The following PTPRD variants were observed in gnomAD, a reference collection of about 807,000 sequenced individuals.
PTPRD encodes protein tyrosine phosphatase receptor type D, also known as receptor-type tyrosine-protein phosphatase delta.
In PTPRD, 34 loss-of-function variants were observed where a neutral mutation model predicts 214.5. That is an observed-to-expected ratio of 0.16 (90% CI 0.12 to 0.21). PTPRD has a LOEUF of 0.21. PTPRD is among the 10% of genes least tolerant of loss of function. The pLI is 1.00. For synonymous variants in PTPRD, 1,128 were observed against 845.7 expected (o/e 1.33, Z -5.79); for missense variants, 2,545 against 2,398.7 (o/e 1.06, Z -1.27).
chr9:8,784,985 A>G (rs149582970), intron 11 of PTPRD, among the ~76,000 whole-genome samples: 301 of 152,270 alleles, frequency 2.0e-3, no homozygotes, highest in African/African-American at 7.0e-3. Context: ...GAGCACCATT[A>G]CAACAGCTGG....
chr9:9,463,772 T>C (rs1472282656), intron 8 of PTPRD, among the ~76,000 whole-genome samples: 2 of 152,024 alleles, frequency 1.3e-5, no homozygotes, highest in Non-Finnish European at 2.9e-5. Flanking sequence ...ATACTTTTCG[T>C]TTCTTTTGAA....
intron 14 of PTPRD, among the ~76,000 whole-genome samples, chr9:8,609,104 T>A (rs537294228): frequency 6.6e-6 from 1 of 152,354 alleles, no homozygotes; most frequent in Admixed American, 6.5e-5. Flanking sequence ...TAAAAGTGAA[T>A]GAGAATTTTA....
intron 3 of PTPRD, among the ~76,000 whole-genome samples, chr9:10,079,817 TCTATTGTCACCGACC>T (rs2098203409): frequency 2.0e-5 from 3 of 152,100 alleles, no homozygotes; most frequent in Admixed American, 2.0e-4. Context: ...GCAAAATAGG[TCTATTGTCACCGACC>T]CTAAAGGATA....
At chr9:10,015,526 G>T (rs1388675604) in intron 4 of PTPRD, among the ~76,000 whole-genome samples, 1 of 152,136 alleles carries the variant, frequency 6.6e-6, no homozygotes, top group Admixed American at 6.5e-5. Flanking sequence ...GGACATAGTA[G>T]AAATATAAAG....
chr9:9,571,183 A>G (rs1422372686), intron 8 of PTPRD, among the ~76,000 whole-genome samples: 1 of 151,540 alleles, frequency 6.6e-6, no homozygotes, highest in Non-Finnish European at 1.5e-5. Flanking sequence ...GTATGTTTGC[A>G]TAACTGATAC....
At chr9:9,182,767 T>A (rs1330062882) in intron 10 of PTPRD, among the ~76,000 whole-genome samples, 1 of 152,064 alleles carries the variant, frequency 6.6e-6, no homozygotes, top group Non-Finnish European at 1.5e-5. Flanking sequence ...CTGAATGCAT[T>A]AAATCATAAC....
At chr9:9,472,081 C>T (rs1339239799) in intron 8 of PTPRD, among the ~76,000 whole-genome samples, 1 of 151,714 alleles carries the variant, frequency 6.6e-6, no homozygotes, top group African/African-American at 2.4e-5. Flanking sequence ...GTGATCTATG[C>T]CAATATTTTA....
At chr9:8,807,470 T>G (rs2096710201) in intron 11 of PTPRD, among the ~76,000 whole-genome samples, 4 of 152,148 alleles carry the variant, frequency 2.6e-5, no homozygotes, top group Admixed American at 2.6e-4. Context: ...TAATGAACAC[T>G]ATAATCACTA....
chr9:8,558,656 T>C (rs1046268789), intron 14 of PTPRD, among the ~76,000 whole-genome samples: 2 of 152,220 alleles, frequency 1.3e-5, no homozygotes, highest in Non-Finnish European at 2.9e-5. Context: ...CTTGGGCTAT[T>C]GTACAAACCG....
At chr9:8,960,081 G>A (rs1344609719) in intron 11 of PTPRD, among the ~76,000 whole-genome samples, 1 of 151,956 alleles carries the variant, frequency 6.6e-6, no homozygotes, top group Non-Finnish European at 1.5e-5. Context: ...ATGCCTTTTA[G>A]TTCATATTCC....
chr9:10,068,123 A>G lies in PTPRD; in HGVS notation c.-544-34333T>C, dbSNP rs575638053. 1.3e-3 allele frequency among the ~76,000 whole-genome samples: 193 copies of G among 152,120 alleles called. 1 individual carries two copies. The South Asian group carries it at 0.021, about 17-fold the overall frequency. On this transcript the variant is annotated intron_variant, in intron 3 of 45. Transcript: ENST00000381196. ...ATTGAAATTACCAACACATCTAGGA[A>G]CACTGAGTTTATAGAGTTGTTTTTG...
chr9:9,421,173 T>TAAA (rs2078665978), intron 8 of PTPRD, among the ~76,000 whole-genome samples: 1 of 151,992 alleles, frequency 6.6e-6, no homozygotes, highest in Admixed American at 6.6e-5. Flanking sequence ...CCATAAACAA[T>TAAA]GGCCCTGCCT....
chr9:10,133,645 A>G (rs926262744), intron 3 of PTPRD, among the ~76,000 whole-genome samples: 1 of 152,274 alleles, frequency 6.6e-6, no homozygotes, highest in African/African-American at 2.4e-5. Context: ...CACCATAATA[A>G]AAGTAAATAA....
chr9:10,574,387 C>G (rs1222250026), intron 2 of PTPRD, among the ~76,000 whole-genome samples: 1 of 152,038 alleles, frequency 6.6e-6, no homozygotes, highest in Non-Finnish European at 1.5e-5. Context: ...GGAAATGAAG[C>G]AGCATAGTAT....
chr9:9,210,309 A>G lies in PTPRD; in HGVS notation c.-202-26946T>C, dbSNP rs148585070. 6.1e-3 allele frequency among the ~76,000 whole-genome samples: 923 copies of G among 152,284 alleles called. 8 individuals are homozygous for G. Among genetic ancestry groups the G allele is most frequent in the African/African-American group, 0.02 (831 of 41,568 alleles). On this transcript the variant is annotated intron_variant, in intron 9 of 45. Coordinates refer to ENST00000381196, the MANE Select transcript of PTPRD (RefSeq NM_002839.4). ...ACTCAAGAATTGGGTATTAAAATAT[A>G]TATAACAGGTGAGTTTCATCCATAT...
intron 11 of PTPRD, among the ~76,000 whole-genome samples, chr9:8,735,909 T>A (rs1317165269): frequency 9.7e-5 from 2 of 20,676 alleles, no homozygotes; most frequent in Admixed American, 9.0e-4. Flanking sequence ...AGACTTCGTC[T>A]CAAAAAAAAA....
intron 8 of PTPRD, among the ~76,000 whole-genome samples, chr9:9,416,900 A>T (rs1007506775): frequency 6.6e-6 from 1 of 151,186 alleles, no homozygotes; most frequent in Non-Finnish European, 1.5e-5. Context: ...TCACTGGGAA[A>T]ATATTTGTTT....
chr9:9,461,645 G>A (rs1033677849), intron 8 of PTPRD, among the ~76,000 whole-genome samples: 1 of 152,094 alleles, frequency 6.6e-6, no homozygotes, highest in Non-Finnish European at 1.5e-5. Flanking sequence ...ACCCTCAAAA[G>A]GTCTACAAAA....
Position 9,986,050 on chromosome 9 carries a change from C to T in PTPRD, c.-471-47440G>A, listed in dbSNP as rs529509135. Among the ~76,000 whole-genome samples the T allele has an allele frequency of 2.0e-5, 3 of 152,218 alleles. No individual in the cohort carries two copies. The South Asian group carries it at 6.2e-4, about 32-fold the overall frequency. ...CAGGAATTTTGTAATTCAAAAATCT[C>T]TCTTCTACACTTTTCACTAATTAAA... On this transcript the variant is annotated intron_variant, in intron 4 of 45. Coordinates refer to ENST00000381196, the MANE Select transcript of PTPRD (RefSeq NM_002839.4).
Sources: gnomAD v4.1 joint callset for allele counts (sites outside exome capture counted in the v4.1 genomes callset) on GRCh38, gnomAD v4.1.1 for gene constraint, MANE v1.5 for transcripts, NCBI Gene and HGNC (gene_info 2026-07-23, HGNC 2026-07-21) for gene names.